CAPN13: variants seen among roughly 807,000 people sequenced by gnomAD.
The protein encoded by CAPN13 is calpain 13.
CAPN13 carries 90 observed loss-of-function variants against 98.4 expected under a neutral mutation model. That is an observed-to-expected ratio of 0.92 (90% CI 0.77 to 1.09). The LOEUF is 1.09. Among genes scored for constraint, CAPN13 ranks in the 50% least tolerant of loss-of-function variants. The pLI is 0.00. For missense variants in CAPN13, 887 were observed against 841.3 expected (o/e 1.05, Z -0.67); for synonymous variants, 330 against 305.5 (o/e 1.08, Z -0.84).
At chr2:30,773,574 G>A (rs1673522250) in intron 4 of CAPN13, among the ~76,000 whole-genome samples, 2 of 152,290 alleles carry the variant, frequency 1.3e-5, no homozygotes, top group Non-Finnish European at 2.9e-5. Flanking sequence ...GGAATATCAG[G>A]TAAAGAGGAA....
chr2:30,747,612 C>A (rs1389416271), intron 11 of CAPN13, among the ~76,000 whole-genome samples: 3 of 152,184 alleles, frequency 2.0e-5, no homozygotes, highest in African/African-American at 7.2e-5. Context: ...TAAAGCAGAG[C>A]AGTGCTCCCA....
intron 15 of CAPN13, among the ~76,000 whole-genome samples, chr2:30,740,638 C>T (rs185873068): frequency 6.0e-4 from 91 of 152,368 alleles, no homozygotes; most frequent in African/African-American, 2.1e-3. Context: ...GAATGCCACA[C>T]TGGGGTCTTA....
At chr2:30,751,650 T>C (rs564778999) in intron 10 of CAPN13, among the ~76,000 whole-genome samples, 15 of 152,286 alleles carry the variant, frequency 9.8e-5, no homozygotes, top group African/African-American at 3.6e-4. Context: ...GAGATGGCAA[T>C]TACAGTACTC....
chr2:30,781,629 C>T (rs1418947523), intron 2 of CAPN13, among the ~76,000 whole-genome samples: 1 of 152,136 alleles, frequency 6.6e-6, no homozygotes, highest in Non-Finnish European at 1.5e-5. Flanking sequence ...TTTTCCTGTC[C>T]TTGGACAGGG....
chr2:30,793,146 C>A (rs1416677582), intron 1 of CAPN13, among the ~76,000 whole-genome samples: 1 of 151,718 alleles, frequency 6.6e-6, no homozygotes, highest in East Asian at 1.9e-4. Flanking sequence ...TTGTGAAGGT[C>A]CTAGCCAATG....
intron 12 of CAPN13, 130 bp downstream of exon 12, chr2:30,745,593 T>C: frequency 1.2e-6 from 1 of 843,026 alleles, no homozygotes; most frequent in South Asian, 1.6e-5. Context: ...GGCCTGTGTC[T>C]GATGTAAGAC....
chr2:30,729,339 CTCTAATATTATCCT>C (rs1355581705), intron 22 of CAPN13, among the ~76,000 whole-genome samples: 2 of 152,182 alleles, frequency 1.3e-5, no homozygotes, highest in Admixed American at 6.5e-5. Context: ...ACGACAATGC[CTCTAATATTATCCT>C]TCCTTCTGAC....
intron 2 of CAPN13, among the ~76,000 whole-genome samples, chr2:30,781,502 G>C (rs776758478): frequency 2.0e-5 from 3 of 152,186 alleles, no homozygotes; most frequent in Non-Finnish European, 4.4e-5. Flanking sequence ...TAGCAAAGCA[G>C]ATTCCCTTCC....
At chr2:30,738,337 G>A (rs769715786) in intron 16 of CAPN13, 44 bp from the exon 17 acceptor site, 1 of 1,613,210 alleles carries the variant, frequency 6.2e-7, no homozygotes, top group Admixed American at 1.7e-5. Context: ...TGACAGTGGG[G>A]TGTGGGGTGG....
chr2:30,802,643 A>G (rs1675359712), intron 1 of CAPN13, among the ~76,000 whole-genome samples: 2 of 152,004 alleles, frequency 1.3e-5, no homozygotes, highest in Admixed American at 1.3e-4. Flanking sequence ...AGAGCTTCTG[A>G]AAGCAAGGAC....
chr2:30,743,261 A>G (rs1671746091), intron 13 of CAPN13, 122 bp downstream of exon 13: 2 of 899,276 alleles, frequency 2.2e-6, no homozygotes, highest in Non-Finnish European at 3.6e-6. Context: ...TGGGGCCAAT[A>G]TCATGTCCCC....
intron 11 of CAPN13, among the ~76,000 whole-genome samples, 160 bp from the exon 12 acceptor site, chr2:30,745,894 ATTTTTTTTT>A (rs57880021): frequency 1.1e-5 from 1 of 92,790 alleles, no homozygotes; most frequent in Non-Finnish European, 2.0e-5. Context: ...GCCATAAAGC[ATTTTTTTTT>A]TTTTTTTTTT....
chr2:30,780,783 G>A (rs1012595198), intron 2 of CAPN13, among the ~76,000 whole-genome samples: 2 of 152,204 alleles, frequency 1.3e-5, no homozygotes, highest in African/African-American at 2.4e-5. Context: ...AATCGAAAAA[G>A]AGAGATGGTA....
intron 7 of CAPN13, among the ~76,000 whole-genome samples, chr2:30,758,984 C>A (rs1054813072): frequency 7.3e-6 from 1 of 136,626 alleles, no homozygotes; most frequent in African/African-American, 2.8e-5. Context: ...TCCTTTCTTC[C>A]CCCCTTGCCC....
At chr2:30,732,415 GGA>G in intron 20 of CAPN13, 21 bp downstream of exon 20, 1 of 1,612,304 alleles carries the variant, frequency 6.2e-7, no homozygotes. Flanking sequence ...AAGGTCTCTG[GGA>G]TGCCCCTTGG....
intron 1 of CAPN13, among the ~76,000 whole-genome samples, chr2:30,798,743 T>C (rs185571294): frequency 6.6e-6 from 1 of 152,162 alleles, no homozygotes; most frequent in African/African-American, 2.4e-5. Flanking sequence ...CAAATACTCA[T>C]TTGAAATGGT....
intron 22 of CAPN13, among the ~76,000 whole-genome samples, chr2:30,728,920 A>G (rs1040010505): frequency 3.3e-5 from 5 of 152,236 alleles, no homozygotes; most frequent in African/African-American, 4.8e-5. Context: ...GAGCTCTTCC[A>G]TGAAATTTGG....
Position 30,738,282 on chromosome 2 carries a change from C to G in CAPN13, c.1606G>C (p.Asp536His), listed in dbSNP as rs748907531. ...NQELLTGPPG[D>H]MFSLDECRSL... ...CGGCACTCATCTAAGGAGAACATGT[C>G]CCCTGGAGGTCCTGAGGAGAGAAGG... Residue 536 changes from aspartate to histidine, a missense_variant, in exon 17 of 23, where the codon GAC becomes CAC. By Grantham distance (81) the Asp-to-His change is moderately conservative. Coordinates refer to ENST00000295055, the MANE Select transcript of CAPN13 (RefSeq NM_144575.3). 3.1e-6 allele frequency: 5 copies of G among 1,613,814 alleles called. No homozygotes were observed. The African/African-American group carries it at 6.7e-5, about 22-fold the overall frequency.
intron 1 of CAPN13, among the ~76,000 whole-genome samples, chr2:30,791,151 G>C (rs1674588182): frequency 1.3e-5 from 2 of 152,148 alleles, no homozygotes; most frequent in African/African-American, 4.8e-5. Context: ...AGGGGAATTG[G>C]GTCATGTCGG....
Sources: allele counts gnomAD v4.1 joint callset (sites outside exome capture counted in the v4.1 genomes callset), GRCh38; gene constraint gnomAD v4.1.1; transcripts MANE v1.5; gene names NCBI Gene and HGNC (gene_info 2026-07-23, HGNC 2026-07-21).